KDM4C: variants seen among roughly 807,000 people sequenced by gnomAD.
KDM4C encodes the protein lysine demethylase 4C.
KDM4C carries 81 observed loss-of-function variants against 129.3 expected under a neutral mutation model. The observed-to-expected ratio is 0.63, with a 90% CI of 0.52 to 0.75. The LOEUF is 0.75. Ranked by LOEUF, KDM4C falls within the 30% of genes least tolerant of loss-of-function variation. The pLI is 0.00. For synonymous variants in KDM4C, 573 were observed against 456.1 expected (o/e 1.26, Z -3.26); for missense variants, 1,457 against 1,304.0 (o/e 1.12, Z -1.81).
At chr9:7,001,576 C>G (rs1457001477) in intron 12 of KDM4C, among the ~76,000 whole-genome samples, 2 of 152,222 alleles carry the variant, frequency 1.3e-5, no homozygotes, top group Non-Finnish European at 2.9e-5. Flanking sequence ...TAGTCCATGT[C>G]TTTATCTTCC....
rs188994793 is a variant in KDM4C, at chr9:6,975,796, C to A, written c.922-5129C>A. 1.4e-4 allele frequency among the ~76,000 whole-genome samples: 21 copies of A among 152,294 alleles called. No homozygotes were observed. In the East Asian group the frequency reaches 4.1e-3, roughly 29 times the overall value. ...GTGGCTCACACCTGTAATCCCACCGCTTTGGGCGAGGTGGGTGGATCACCC... is the reference window on the plus strand; with the variant it reads ...GTGGCTCACACCTGTAATCCCACCGATTTGGGCGAGGTGGGTGGATCACCC... On this transcript the variant is annotated intron_variant, in intron 8 of 21. Coordinates refer to ENST00000381309, the MANE Select transcript of KDM4C (RefSeq NM_015061.6).
chr9:7,108,560 G>T (rs1034339589), intron 18 of KDM4C, among the ~76,000 whole-genome samples: 2 of 152,238 alleles, frequency 1.3e-5, no homozygotes, highest in South Asian at 2.1e-4. Context: ...CAGCCTCTGG[G>T]TCTTTAGGCC....
At chr9:6,996,139 G>A (rs933524265) in intron 12 of KDM4C, among the ~76,000 whole-genome samples, 1 of 152,204 alleles carries the variant, frequency 6.6e-6, no homozygotes, top group Non-Finnish European at 1.5e-5. Flanking sequence ...TGGTATCTCT[G>A]TTTGTTGCCT....
At chr9:6,726,100 T>A (rs1176208658) in intron 1 of KDM4C, among the ~76,000 whole-genome samples, 3 of 151,968 alleles carry the variant, frequency 2.0e-5, no homozygotes, top group Admixed American at 6.6e-5. Context: ...CTAATTTTTT[T>A]ATATATTTAA....
intron 16 of KDM4C, 81 bp downstream of exon 16, chr9:7,046,998 C>T (rs1260576668): frequency 2.0e-6 from 2 of 996,954 alleles, no homozygotes; most frequent in Admixed American, 1.8e-5. Flanking sequence ...TTCGCTTTAC[C>T]TCTCATTGTA....
chr9:6,874,980 T>A (rs1376184660), intron 5 of KDM4C, among the ~76,000 whole-genome samples: 1 of 149,686 alleles, frequency 6.7e-6, no homozygotes, highest in East Asian at 2.0e-4. Context: ...GACATTTAGG[T>A]CTTGGGAGTT....
chr9:7,083,552 A>G (rs1406459083), intron 17 of KDM4C, among the ~76,000 whole-genome samples: 1 of 152,200 alleles, frequency 6.6e-6, no homozygotes, highest in Non-Finnish European at 1.5e-5. Flanking sequence ...ACAGCATGCT[A>G]TTGTACTGAG....
intron 12 of KDM4C, among the ~76,000 whole-genome samples, chr9:6,991,240 G>A (rs1432020379): frequency 1.3e-5 from 2 of 151,512 alleles, no homozygotes; most frequent in Non-Finnish European, 2.9e-5. Context: ...CATCATGCTT[G>A]GTTAATTTAA....
At chr9:6,763,988 A>C (rs1387204143) in intron 1 of KDM4C, among the ~76,000 whole-genome samples, 2 of 152,104 alleles carry the variant, frequency 1.3e-5, no homozygotes, top group East Asian at 1.9e-4. Flanking sequence ...CGAACTCCCA[A>C]CCTCAGGTGA....
intron 17 of KDM4C, among the ~76,000 whole-genome samples, chr9:7,080,320 C>G (rs763569241): frequency 6.6e-6 from 1 of 152,198 alleles, no homozygotes; most frequent in Non-Finnish European, 1.5e-5. Flanking sequence ...ATGTTGAGAT[C>G]ACAGCACTTT....
chr9:6,933,905 AGCG>A (rs1824220829), intron 8 of KDM4C, among the ~76,000 whole-genome samples: 1 of 146,586 alleles, frequency 6.8e-6, no homozygotes, highest in South Asian at 2.2e-4. Context: ...GCTGAAGTGC[AGCG>A]GTGTGATCTT....
chr9:6,823,958 A>C (rs1833468766), intron 4 of KDM4C, among the ~76,000 whole-genome samples: 1 of 152,230 alleles, frequency 6.6e-6, no homozygotes, highest in Non-Finnish European at 1.5e-5. Context: ...GGAAGATGAC[A>C]GCAGTAATGC....
At chr9:7,005,486 G>A (rs940999312) in intron 12 of KDM4C, among the ~76,000 whole-genome samples, 1 of 148,794 alleles carries the variant, frequency 6.7e-6, no homozygotes, top group East Asian at 2.0e-4. Flanking sequence ...TTAGATAAAC[G>A]CCCCACATTC....
chr9:7,095,410 T>C (rs1017819124), intron 17 of KDM4C, among the ~76,000 whole-genome samples: 1 of 152,194 alleles, frequency 6.6e-6, no homozygotes, highest in Non-Finnish European at 1.5e-5. Context: ...CTCAGATACC[T>C]TTAGGCCTTC....
chr9:6,989,285 T>A (rs377059495), intron 11 of KDM4C, among the ~76,000 whole-genome samples: 3 of 152,344 alleles, frequency 2.0e-5, no homozygotes, highest in African/African-American at 7.2e-5. Context: ...CACTGCTTCT[T>A]CAGCTTACCG....
intron 5 of KDM4C, among the ~76,000 whole-genome samples, chr9:6,862,131 C>G (rs1588770315): frequency 6.6e-6 from 1 of 152,126 alleles, no homozygotes; most frequent in Non-Finnish European, 1.5e-5. Flanking sequence ...ATATAATTTT[C>G]TAATCAGAGA....
rs939514284 is a variant in KDM4C at position 7,096,230 on chromosome 9, A to G, written c.2425-7455A>G. ...TGCTTATTTTGTGATTCATCAGCAA[A>G]TGCTGCTGTGTGCTATCAGCGAAGT... On this transcript the variant is annotated intron_variant, in intron 17 of 21. Coordinates refer to ENST00000381309, the MANE Select transcript of KDM4C (RefSeq NM_015061.6). Among the ~76,000 whole-genome samples the G allele has an allele frequency of 3.3e-5, 5 of 152,242 alleles. No homozygotes were observed. The East Asian group carries it at 9.6e-4, about 29-fold the overall frequency.
chr9:7,109,392 C>G (rs1019570765), intron 18 of KDM4C, among the ~76,000 whole-genome samples: 8 of 152,172 alleles, frequency 5.3e-5, no homozygotes, highest in African/African-American at 1.7e-4. Flanking sequence ...AACAATATCT[C>G]TCTCCAACTT....
intron 5 of KDM4C, among the ~76,000 whole-genome samples, chr9:6,871,119 C>G (rs952635973): frequency 3.3e-5 from 5 of 152,206 alleles, no homozygotes; most frequent in Non-Finnish European, 2.9e-5. Flanking sequence ...AGGGAGTGAT[C>G]TGAGAAGTAG....
Sources: allele counts gnomAD v4.1 joint callset (sites outside exome capture counted in the v4.1 genomes callset), GRCh38; gene constraint gnomAD v4.1.1; transcripts MANE v1.5; gene names NCBI Gene and HGNC (gene_info 2026-07-23, HGNC 2026-07-21).